WASF1: variants seen among roughly 807,000 people sequenced by gnomAD.
The protein encoded by WASF1 is WASP family member 1.
WASF1 carries 7 observed loss-of-function variants against 50.5 expected under a neutral mutation model. The ratio of observed to expected loss-of-function variants is 0.14; its 90% CI spans 0.08 to 0.26. The LOEUF (loss-of-function observed/expected upper bound fraction) is 0.26, where lower values mean the gene tolerates loss of function less well. Ranked by LOEUF, WASF1 falls within the 10% of genes least tolerant of loss-of-function variation. The probability of loss-of-function intolerance (pLI) is 1.00; values close to 1 mark genes in which losing one functional copy is unlikely to be tolerated. For synonymous variants in WASF1, 205 were observed against 244.0 expected (o/e 0.84, Z 1.49); for missense variants, 470 against 694.7 (o/e 0.68, Z 3.64).
Position 110,108,538 on chromosome 6 carries a change from T to A in WASF1, c.412A>T (p.Thr138Ser), listed in dbSNP as rs1194895595. 6.2e-7 allele frequency: 1 copy of A among 1,611,348 alleles called. No homozygotes were observed. The highest frequency in any genetic ancestry group is 8.5e-7 in the Non-Finnish European group (1 of 1,178,654). The change falls in exon 6 of 11, where the codon ACT becomes TCT. Residue 138 changes from threonine (T) to serine (S), a missense_variant. This residue lies in a region of WASF1 where 140 missense variants were observed against 260.5 expected (regional missense o/e 0.54). Transcript: ENST00000392589. ...TATTAACCTACCTACCTATAAGGAG[T>A]GAGTATATTGAGAGGTGGAGGCTGT... The part of the protein sequence containing the change: ...CEQPPPLNIL[T>S]PYRDDGKEGL...
intron 2 of WASF1, among the ~76,000 whole-genome samples, chr6:110,170,565 A>T (rs562380126): frequency 8.5e-5 from 13 of 152,230 alleles, no homozygotes; most frequent in African/African-American, 2.9e-4. Context: ...TGCAATGAAT[A>T]AAAAAAGTTG....
chr6:110,102,443 T>A (rs1444820422), intron 9 of WASF1, among the ~76,000 whole-genome samples: 1 of 152,042 alleles, frequency 6.6e-6, no homozygotes, highest in Non-Finnish European at 1.5e-5. Flanking sequence ...ATAGTCTAAA[T>A]AGTCTCATTC....
rs778229060 is a variant in WASF1, at chr6:110,113,458, T to G, written c.136A>C (p.Lys46Gln). 1 of 1,588,036 alleles carries G rather than the reference T, an allele frequency of 6.3e-7. No homozygotes were observed. Among genetic ancestry groups the G allele is most frequent in the Non-Finnish European group, 8.5e-7 (1 of 1,170,074 alleles). The change falls in exon 5 of 11, where the codon AAA (lysine) becomes CAA (glutamine). Residue 46 changes from lysine to glutamine, a missense_variant and splice_region_variant. Physicochemically the swap from Lys to Gln is moderately conservative, Grantham distance 53. Around this residue, in one of 3 missense-constraint regions of WASF1, gnomAD observed 140 missense variants for 260.5 expected, o/e 0.54. Transcript: ENST00000392589. The part of the protein sequence containing the change: ...NIIRQLSSLS[K>Q]YAEDIFGELF... The stretch of plus-strand genomic sequence containing the variant: ...TCTCCAAATATATCTTCAGCATATT[T>G]ACCTAAGCAAAAATGACACATATAT...
rs1424162958 is a variant in WASF1 at position 110,124,239 on chromosome 6, T to C, written c.133+3230A>G. ...TCTCCTCTCTCTCCTCTCTCTCCTC[T>C]CTCTCTCTCTCTCTCTCTCTCTCTC... is the stretch of plus-strand genomic sequence containing the variant. On this transcript the variant is annotated intron_variant, in intron 4 of 10. Coordinates refer to ENST00000392589, the MANE Select transcript of WASF1 (RefSeq NM_003931.3). Among the ~76,000 whole-genome samples, 266 of 27,526 alleles carry C rather than the reference T, an allele frequency of 9.7e-3. 7 individuals carry two copies. Among genetic ancestry groups the C allele is most frequent in the African/African-American group, 0.043 (253 of 5,940 alleles). 18.1% of individuals were successfully genotyped at this position (27,526 alleles called of 152,430 possible).
At chr6:110,178,370 T>C (rs1302456388) in intron 2 of WASF1, among the ~76,000 whole-genome samples, 4 of 152,348 alleles carry the variant, frequency 2.6e-5, no homozygotes, top group African/African-American at 9.6e-5. Context: ...CTAATTATGA[T>C]ATAATGCTAT....
At chr6:110,108,159 A>AAAG (rs1562162737) in intron 6 of WASF1, among the ~76,000 whole-genome samples, 2 of 151,024 alleles carry the variant, frequency 1.3e-5, no homozygotes, top group Non-Finnish European at 3.0e-5. Flanking sequence ...AAAAAAAAAA[A>AAAG]AAGAGTAGAC....
At chr6:110,171,581 G>A (rs909991111) in intron 2 of WASF1, among the ~76,000 whole-genome samples, 1 of 152,030 alleles carries the variant, frequency 6.6e-6, no homozygotes, top group African/African-American at 2.4e-5. Context: ...AAAAACCCTA[G>A]AAGAAAACCT....
intron 4 of WASF1, among the ~76,000 whole-genome samples, chr6:110,126,228 T>C (rs2114513948): frequency 6.6e-6 from 1 of 152,286 alleles, no homozygotes; most frequent in Non-Finnish European, 1.5e-5. Flanking sequence ...TTAAACAATA[T>C]AGTTAATCAT....
At chr6:110,106,874 T>C (rs1309874541) in intron 7 of WASF1, among the ~76,000 whole-genome samples, 1 of 152,218 alleles carries the variant, frequency 6.6e-6, no homozygotes, top group Non-Finnish European at 1.5e-5. Flanking sequence ...ATGGCACTTA[T>C]TATGCCCTAC....
At chr6:110,133,587 C>G (rs1461397728) in intron 3 of WASF1, among the ~76,000 whole-genome samples, 3 of 152,144 alleles carry the variant, frequency 2.0e-5, no homozygotes, top group African/African-American at 7.2e-5. Context: ...GCCATTCTTG[C>G]AGGAGCAAGG....
chr6:110,173,441 G>T (rs1249492189), intron 2 of WASF1, among the ~76,000 whole-genome samples: 1 of 152,094 alleles, frequency 6.6e-6, no homozygotes, highest in East Asian at 1.9e-4. Flanking sequence ...CAGCATAAGG[G>T]AGTAGGAAAA....
chr6:110,124,272 CTCT>C (rs1774313893), intron 4 of WASF1, among the ~76,000 whole-genome samples: 2 of 42,702 alleles, frequency 4.7e-5, no homozygotes, highest in Admixed American at 2.7e-4. Context: ...CTCTCTCTCT[CTCT>C]ATATATATAT....
chr6:110,160,701 A>G lies in WASF1; in HGVS notation c.-95T>C, dbSNP rs561304206. Reference sequence around the variant, plus strand: ...AACTTTACTCCAACAGCTATCATCAACAGTTGTTTTAACATGCTGATTTCT... The same window carrying G: ...AACTTTACTCCAACAGCTATCATCAGCAGTTGTTTTAACATGCTGATTTCT... On this transcript the variant is annotated 5_prime_UTR_variant, in exon 3 of 11. Coordinates refer to ENST00000392589, the MANE Select transcript of WASF1 (RefSeq NM_003931.3). 1 of 151,892 alleles carries G rather than the reference A, an allele frequency of 6.6e-6. No individual in the cohort carries two copies. Among genetic ancestry groups the G allele is most frequent in the East Asian group, 1.9e-4 (1 of 5,154 alleles). 9.4% of individuals were successfully genotyped at this position (151,892 alleles called of 1,614,324 possible). A position where few individuals can be genotyped will look rare whatever the true frequency, so the allele number is the denominator to read the frequency against.
chr6:110,101,786 G>A lies in WASF1; in HGVS notation c.1324C>T (p.Pro442Ser), dbSNP rs370058465. 1.2e-5 allele frequency: 19 copies of A among 1,614,152 alleles called. No individual in the cohort carries two copies. Among genetic ancestry groups the A allele is most frequent in the Middle Eastern group, 1.6e-4 (1 of 6,062 alleles). ...TGAGCAAGAGCTGTAACTGTGACAG[G>A]TGATGATGGTCGAATGCCAGGTGGA... ...LPPPGIRPSS[P>S]VTVTALAHPP... Residue 442 changes from proline to serine, a missense_variant, in exon 10 of 11, where the codon CCT becomes TCT. Around this residue, in one of 3 missense-constraint regions of WASF1, gnomAD observed 294 missense variants for 343.5 expected, o/e 0.86. Transcript: ENST00000392589.
rs1480576637 is a variant in WASF1, at chr6:110,105,447, T to C, written c.673A>G (p.Ile225Val). The C allele has an allele frequency of 3.1e-6, 5 of 1,612,628 alleles. No homozygotes were observed. The African/African-American group carries it at 4.0e-5, about 13-fold the overall frequency. The change falls in exon 8 of 11, where the codon ATT becomes GTT. Residue 225 changes from isoleucine (I) to valine (V), a missense_variant. Around this residue, in one of 3 missense-constraint regions of WASF1, gnomAD observed 294 missense variants for 343.5 expected, o/e 0.86. Coordinates refer to ENST00000392589, the MANE Select transcript of WASF1 (RefSeq NM_003931.3). Reference protein sequence around the residue: ...EDDANLLHKHIEVANGPASHF... With the variant: ...EDDANLLHKHVEVANGPASHF... ...GAGGCTGGGCCATTAGCAACTTCAA[T>C]ATGCTTATGTAAGAGATTAGCATCA...
chr6:110,124,241 T>TCTCTC (rs1774294445), intron 4 of WASF1, among the ~76,000 whole-genome samples: 2 of 32,748 alleles, frequency 6.1e-5, no homozygotes, highest in Admixed American at 7.4e-4. Flanking sequence ...CTCTCCTCTC[T>TCTCTC]CTCTCTCTCT....
intron 2 of WASF1, among the ~76,000 whole-genome samples, chr6:110,175,495 G>A (rs574959522): frequency 5.9e-5 from 9 of 152,230 alleles, no homozygotes; most frequent in East Asian, 5.8e-4. Flanking sequence ...TAAGAGGGAC[G>A]TAAGCGGTAA....
At chr6:110,106,965 T>C (rs572779875) in intron 7 of WASF1, 112 bp downstream of exon 7, 2 of 770,594 alleles carry the variant, frequency 2.6e-6, no homozygotes, top group East Asian at 2.6e-5. Flanking sequence ...TATTTAACTA[T>C]ATGGACCCAA....
At chr6:110,172,712 A>G (rs1002902939) in intron 2 of WASF1, among the ~76,000 whole-genome samples, 3 of 152,200 alleles carry the variant, frequency 2.0e-5, no homozygotes, top group Non-Finnish European at 4.4e-5. Flanking sequence ...TTTCTCATTT[A>G]TAAGTGGGAG....
Sources: allele counts gnomAD v4.1 joint callset (sites outside exome capture counted in the v4.1 genomes callset), GRCh38; gene constraint gnomAD v4.1.1; regional missense constraint gnomAD v4.1.1; transcripts MANE v1.5; gene names NCBI Gene and HGNC (gene_info 2026-07-23, HGNC 2026-07-21).